The following MACROD2 variants were observed in gnomAD, a reference collection of about 807,000 sequenced individuals.
The protein encoded by MACROD2 is ADP-ribose glycohydrolase MACROD2.
In MACROD2, 36 loss-of-function variants were observed where a neutral mutation model predicts 70.4. The ratio of observed to expected loss-of-function variants is 0.51; its 90% confidence interval spans 0.39 to 0.68. The LOEUF is 0.68. Ranked by LOEUF, MACROD2 falls within the 30% of genes least tolerant of loss-of-function variation. The pLI, the probability that MACROD2 is intolerant of heterozygous loss-of-function variation, is 0.00. For synonymous variants in MACROD2, 172 were observed against 178.8 expected (o/e 0.96, Z 0.30); for missense variants, 496 against 538.4 (o/e 0.92, Z 0.78).
chr20:15,316,363 T>C (rs888556551), intron 6 of MACROD2, among the ~76,000 whole-genome samples: 4 of 152,180 alleles, frequency 2.6e-5, no homozygotes, highest in African/African-American at 9.6e-5. Flanking sequence ...AGATATTCCA[T>C]GCAAGTAGTA....
chr20:14,876,454 A>T (rs565290403), intron 5 of MACROD2, among the ~76,000 whole-genome samples: 1 of 152,220 alleles, frequency 6.6e-6, no homozygotes, highest in South Asian at 2.1e-4. Context: ...TTTGTTGTGC[A>T]GAGGTCTTTA....
At chr20:14,865,172 C>A (rs1203855114) in intron 5 of MACROD2, among the ~76,000 whole-genome samples, 1 of 152,160 alleles carries the variant, frequency 6.6e-6, no homozygotes, top group East Asian at 1.9e-4. Flanking sequence ...TAGGCATTGT[C>A]AGGAGATTAG....
chr20:15,052,292 G>C (rs977070343), intron 5 of MACROD2, among the ~76,000 whole-genome samples: 14 of 152,072 alleles, frequency 9.2e-5, no homozygotes, highest in Non-Finnish European at 1.5e-5. Flanking sequence ...GCATATACAG[G>C]CATCGCTTGT....
rs531502991 is a variant in MACROD2, at chr20:15,909,005, T to C, written c.775+23194T>C. Among the ~76,000 whole-genome samples, 30 of 152,344 alleles carry C rather than the reference T, an allele frequency of 2.0e-4. No individual in the cohort carries two copies. The South Asian group carries it at 5.8e-3, about 29-fold the overall frequency. On this transcript the variant is annotated intron_variant, in intron 10 of 17. Transcript: ENST00000684519. ...TAATGACATTTATTTTGCTCACACA[T>C]CTGCAAGCTTGGCAGGGCTCGACAG...
At chr20:14,385,193 A>AT (rs913251797) in intron 3 of MACROD2, among the ~76,000 whole-genome samples, 4 of 152,100 alleles carry the variant, frequency 2.6e-5, no homozygotes, top group Non-Finnish European at 4.4e-5. Flanking sequence ...TTCTAAAGTG[A>AT]TTTTTTTCCC....
intron 3 of MACROD2, among the ~76,000 whole-genome samples, chr20:14,374,979 A>T (rs535980609): frequency 6.6e-6 from 1 of 152,258 alleles, no homozygotes; most frequent in South Asian, 2.1e-4. Flanking sequence ...GTAATTATCC[A>T]TTTGTATTTT....
chr20:14,727,129 A>C (rs1208607467), intron 5 of MACROD2, among the ~76,000 whole-genome samples: 1 of 152,180 alleles, frequency 6.6e-6, no homozygotes, highest in Non-Finnish European at 1.5e-5. Context: ...AAAAGCATGC[A>C]GGATACCAGA....
intron 4 of MACROD2, among the ~76,000 whole-genome samples, chr20:14,581,334 A>G (rs1368683405): frequency 1.3e-5 from 2 of 152,224 alleles, no homozygotes; most frequent in African/African-American, 2.4e-5. Context: ...CTCTGATTGT[A>G]GAACTTGAGC....
intron 2 of MACROD2, among the ~76,000 whole-genome samples, chr20:14,075,557 C>T (rs771885996): frequency 6.6e-6 from 1 of 152,174 alleles, no homozygotes; most frequent in Non-Finnish European, 1.5e-5. Context: ...CAAAGTGGCT[C>T]CTCTAAGACC....
chr20:15,005,720 A>G (rs2075030516), intron 5 of MACROD2, among the ~76,000 whole-genome samples: 1 of 152,096 alleles, frequency 6.6e-6, no homozygotes, highest in Non-Finnish European at 1.5e-5. Flanking sequence ...AGATTCACTG[A>G]GAGTCATCCA....
At chr20:14,877,284 T>C (rs2073561493) in intron 5 of MACROD2, among the ~76,000 whole-genome samples, 2 of 152,188 alleles carry the variant, frequency 1.3e-5, no homozygotes, top group South Asian at 4.1e-4. Flanking sequence ...GAAATGCTAC[T>C]GATTTTTGTG....
chr20:15,263,667 G>T (rs980979598), intron 6 of MACROD2, among the ~76,000 whole-genome samples: 2 of 152,062 alleles, frequency 1.3e-5, no homozygotes, highest in Non-Finnish European at 2.9e-5. Context: ...CATGAACGTG[G>T]AATATCTTGC....
intron 3 of MACROD2, among the ~76,000 whole-genome samples, chr20:14,239,026 CAAAAAAAAAAA>C (rs55763322): frequency 3.6e-5 from 3 of 82,390 alleles, no homozygotes; most frequent in East Asian, 6.7e-4. Flanking sequence ...GACTCCGTCT[CAAAAAAAAAAA>C]AAAAAAAAAA....
At chr20:15,452,367 T>C (rs768707930) in intron 7 of MACROD2, among the ~76,000 whole-genome samples, 21 of 151,988 alleles carry the variant, frequency 1.4e-4, no homozygotes, top group Admixed American at 2.6e-4. Context: ...CAGTAAACAG[T>C]GGGATAATAC....
At chr20:14,982,439 AC>A (rs1030255030) in intron 5 of MACROD2, among the ~76,000 whole-genome samples, 11 of 152,076 alleles carry the variant, frequency 7.2e-5, no homozygotes, top group African/African-American at 2.7e-4. Flanking sequence ...CATGTCAGAG[AC>A]CTTTGTGGCA....
intron 5 of MACROD2, among the ~76,000 whole-genome samples, chr20:15,002,810 T>C (rs979281563): frequency 1.3e-5 from 2 of 152,210 alleles, no homozygotes; most frequent in Non-Finnish European, 2.9e-5. Context: ...TTCCAGCTGA[T>C]TGTAGCCATA....
At chr20:15,554,182 G>C (rs932151833) in intron 8 of MACROD2, among the ~76,000 whole-genome samples, 7 of 152,224 alleles carry the variant, frequency 4.6e-5, no homozygotes, top group Admixed American at 1.3e-4. Context: ...GTGGCATAGA[G>C]AGAGACAGTG....
At chr20:14,193,023 A>G (rs987637780) in intron 3 of MACROD2, among the ~76,000 whole-genome samples, 4 of 152,178 alleles carry the variant, frequency 2.6e-5, no homozygotes, top group African/African-American at 9.7e-5. Context: ...TTTGCCTAGG[A>G]GCATCCTCAT....
intron 6 of MACROD2, among the ~76,000 whole-genome samples, chr20:15,299,944 C>T (rs2077626502): frequency 6.6e-6 from 1 of 152,166 alleles, no homozygotes; most frequent in South Asian, 2.1e-4. Context: ...TGAGTAGAAA[C>T]ATCTAGCTTT....
Sources: gnomAD v4.1 joint callset for allele counts (sites outside exome capture counted in the v4.1 genomes callset) on GRCh38, gnomAD v4.1.1 for gene constraint, MANE v1.5 for transcripts, NCBI Gene and HGNC (gene_info 2026-07-23, HGNC 2026-07-21) for gene names.